Variants in NBPF10 observed in about 807,000 individuals in gnomAD.
NBPF10 encodes NBPF member 10, also known as NBPF family member NBPF10.
A neutral mutation model predicts 77.9 loss-of-function variants in NBPF10; 63 were observed. The ratio of observed to expected loss-of-function variants is 0.81; its 90% confidence interval spans 0.66 to 1.00. The LOEUF is 1.00. NBPF10 is among the 50% of genes least tolerant of loss of function. NBPF10 has a pLI of 0.00. For missense variants in NBPF10, 522 were observed against 679.8 expected, an observed-to-expected ratio of 0.77 and a Z score of 2.58; for synonymous variants, 146 against 264.5, an observed-to-expected ratio of 0.55 and a Z score of 4.35.
rs781813415 is a variant in NBPF10, at chr1:146,067,208, C to G, written c.11116G>C (p.Glu3706Gln). 2.4e-5 allele frequency: 14 copies of G among 589,862 alleles called. 1 individual carries two copies. The highest frequency in any genetic ancestry group is 4.0e-5 in the Non-Finnish European group (13 of 324,234). 36.5% of individuals were successfully genotyped at this position (589,862 alleles called of 1,614,324 possible). ...GGGCATGGTGGGTTTTGATCTTCTT[C>G]CCCTTCTTTTCTTCCCCTTCTTCTT... Residue 3706 changes from glutamate to glutamine, a missense_variant, in exon 89 of 90, where the codon GAA becomes CAA. Physicochemically the swap from Glu to Gln is conservative, Grantham distance 29. Transcript: ENST00000583866.
exon 86 of NBPF10, chr1:146,069,703 C>G: frequency 2.5e-6 from 2 of 814,858 alleles, no homozygotes; most frequent in Non-Finnish European, 4.2e-6. Context: ...CATCCAGCAG[C>G]TCCCTGCTGA....
intron 13 of NBPF10, among the ~76,000 whole-genome samples, 154 bp downstream of exon 13, chr1:146,126,874 T>G (rs1358870806): frequency 2.7e-5 from 3 of 110,130 alleles, no homozygotes; most frequent in African/African-American, 1.0e-4. Flanking sequence ...ACCTAAACAT[T>G]TACTCTAATG....
At chr1:146,130,733 A>T (rs1659204314) in intron 11 of NBPF10, among the ~76,000 whole-genome samples, 7 of 123,298 alleles carry the variant, frequency 5.7e-5, no homozygotes, top group African/African-American at 1.9e-4. Flanking sequence ...AAACATGGAA[A>T]GGAACAACCG....
At chr1:146,139,092 CTTTTTTTT>C (rs782186835) in intron 5 of NBPF10, among the ~76,000 whole-genome samples, 3 of 82,452 alleles carry the variant, frequency 3.6e-5, no homozygotes, top group Admixed American at 1.4e-4. Context: ...CAGAGACTTA[CTTTTTTTT>C]TTTTTTTTTT....
chr1:146,068,182 A>C lies in NBPF10; in HGVS notation c.10863-7T>G. 2.6e-6 allele frequency: 1 copy of C among 384,324 alleles called. No homozygotes were observed. The highest frequency in any genetic ancestry group is 4.5e-6 in the Non-Finnish European group (1 of 221,332). The allele number at this position is 384,324 out of a possible 1,614,324, so 23.8% of individuals were successfully genotyped here. On this transcript the variant is annotated splice_region_variant and splice_polypyrimidine_tract_variant and intron_variant, in intron 87 of 89. Transcript: ENST00000583866. ...CAGCAGCTCCCTGCTGAGCCTGGAA[A>C]AGTAGGAAAAAGTAAAGAATAAGCC...
chr1:146,074,412 G>A lies in NBPF10; in HGVS notation c.9937C>T (p.Pro3313Ser). 2.8e-5 allele frequency: 3 copies of A among 106,784 alleles called. 1 individual carries two copies. The highest frequency in any genetic ancestry group is 1.4e-4 in the South Asian group (2 of 13,918). The allele number at this position is 106,784 out of a possible 1,614,324, so 6.6% of individuals were successfully genotyped here. ...TCCAGTGAGTCCTGCAAGACTTCAG[G>A]CCCTTTCTCATCCAGCAGCTCCCTG... Residue 3313 changes from proline (P) to serine (S), a missense_variant, in exon 80 of 90, where the codon CCT (proline) becomes TCT (serine). Coordinates refer to ENST00000583866, the Ensembl canonical transcript of NBPF10.
intron 81 of NBPF10, among the ~76,000 whole-genome samples, chr1:146,073,193 C>T (rs1553780112): frequency 4.1e-5 from 2 of 49,328 alleles, no homozygotes; most frequent in South Asian, 1.1e-3. Flanking sequence ...TTAGTGCCCT[C>T]GGGACACACA....
At chr1:146,138,888 G>A (rs1453086627) in intron 5 of NBPF10, among the ~76,000 whole-genome samples, 9 of 143,770 alleles carry the variant, frequency 6.3e-5, no homozygotes, top group Admixed American at 1.4e-4. Flanking sequence ...GGGTTCAAGC[G>A]ATTCTCATCC....
Position 146,066,856 on chromosome 1 carries a change from C to G in NBPF10, c.11145-295G>C, listed in dbSNP as rs11802634. Among the ~76,000 whole-genome samples the G allele has an allele frequency of 6.4e-3, 952 of 149,674 alleles. 5 individuals are homozygous for G. The Middle Eastern group carries it at 0.071, about 11-fold the overall frequency. ...GTAAGGGAGTCAAAGGACACTCTGA[C>G]TTAGTGCCCTCATGACACACAGCAA... On this transcript the variant is annotated intron_variant, in intron 89 of 89. Coordinates refer to ENST00000583866, the Ensembl canonical transcript of NBPF10.
At chr1:146,126,440 C>T (rs1553790032) in intron 13 of NBPF10, 32 bp from the exon 14 acceptor site, 4 of 905,842 alleles carry the variant, frequency 4.4e-6, no homozygotes, top group Admixed American at 1.8e-5. Flanking sequence ...AAGAATAAGC[C>T]AGGGGGAATC....
rs587674173 is a variant in NBPF10, at chr1:146,125,876, C to G, written c.2026+360G>C. ...TGTCTCATCAAATACTCAGATTGTT[C>G]ATGGTAGCGAGGATTTTAGACGCTG... On this transcript the variant is annotated intron_variant, in intron 14 of 89. Coordinates refer to ENST00000583866, the Ensembl canonical transcript of NBPF10. Among the ~76,000 whole-genome samples the G allele has an allele frequency of 9.9e-4, 150 of 151,238 alleles. 3 individuals are homozygous for G. The highest frequency in any genetic ancestry group is 3.6e-3 in the African/African-American group (148 of 41,236).
intron 14 of NBPF10, among the ~76,000 whole-genome samples, chr1:146,125,976 T>C (rs1333589927): frequency 6.6e-6 from 1 of 151,664 alleles, no homozygotes; most frequent in Admixed American, 6.6e-5. Flanking sequence ...ATTTGTCATA[T>C]CTGCCCAGAT....
chr1:146,118,739 G>GAC (rs1326539601), intron 23 of NBPF10, among the ~76,000 whole-genome samples, 197 bp from the exon 24 acceptor site: 151 of 4,870 alleles, frequency 0.031, 3 homozygotes, highest in African/African-American at 0.069. Flanking sequence ...AAGACAGATA[G>GAC]ACACACACAC....
intron 89 of NBPF10, 101 bp downstream of exon 89, chr1:146,067,079 C>T (rs1374879954): frequency 1.2e-5 from 7 of 590,482 alleles, no homozygotes; most frequent in South Asian, 1.9e-5. Context: ...AGTAATTCAG[C>T]CTTCGTTGAA....
In NBPF10 at chr1:146,126,356, G is replaced by A. The variant is rs781925252; in HGVS notation, c.1906C>T (p.Gln636Ter). The A allele has an allele frequency of 7.2e-7, 1 of 1,386,592 alleles. No homozygotes were observed. Among genetic ancestry groups the A allele is most frequent in the Non-Finnish European group, 1.0e-6 (1 of 977,268 alleles). The allele number at this position is 1,386,592 out of a possible 1,614,324, so 85.9% of individuals were successfully genotyped here. Residue 636 changes from glutamine (Q) to a stop codon, truncating the protein, a stop_gained, in exon 14 of 90, where the codon CAG (glutamine) becomes TAG (stop). Transcript: ENST00000583866. LOFTEE classifies it high-confidence loss of function. ...GAAGGAGTTGAATAACATCTATCCTGTGAGTCCTGCAAGACTTCAGGCCCT... is the reference window on the plus strand; with the variant it reads ...GAAGGAGTTGAATAACATCTATCCTATGAGTCCTGCAAGACTTCAGGCCCT...
intron 17 of NBPF10, among the ~76,000 whole-genome samples, chr1:146,123,525 C>T (rs201099691): frequency 1.1e-4 from 8 of 72,018 alleles, no homozygotes; most frequent in Non-Finnish European, 2.1e-4. Context: ...CACACACACA[C>T]AGAGAGAGAG....
At chr1:146,067,559 T>C (rs1270894347) in intron 88 of NBPF10, among the ~76,000 whole-genome samples, 8 of 150,360 alleles carry the variant, frequency 5.3e-5, no homozygotes, top group South Asian at 2.1e-4. Flanking sequence ...CGCCATATTT[T>C]TCCAATCAAC....
chr1:146,109,381 C>A (rs1315251854), intron 35 of NBPF10, among the ~76,000 whole-genome samples: 2 of 54,276 alleles, frequency 3.7e-5, no homozygotes, highest in Non-Finnish European at 8.1e-5. Flanking sequence ...AGTGAATTGT[C>A]CAGGTGACGC....
chr1:146,064,777 G>A (rs1363296880), exon 90 of NBPF10: 2 of 70,298 alleles, frequency 2.8e-5, no homozygotes, highest in Non-Finnish European at 5.6e-5. Flanking sequence ...AACACTGAAT[G>A]TAAAAAACAA....
Sources: allele counts gnomAD v4.1 joint callset (sites outside exome capture counted in the v4.1 genomes callset), GRCh38; gene constraint gnomAD v4.1.1; transcripts MANE v1.5; gene names NCBI Gene and HGNC (gene_info 2026-07-23, HGNC 2026-07-21).